The following GLE1 variants were observed in gnomAD, a reference collection of about 807,000 sequenced individuals.
The protein encoded by GLE1 is mRNA export factor GLE1.
In GLE1, 78 loss-of-function variants were observed where a neutral mutation model predicts 97.3. The ratio of observed to expected loss-of-function variants is 0.80; its 90% confidence interval spans 0.67 to 0.97. The LOEUF (loss-of-function observed/expected upper bound fraction) is 0.97, where lower values mean the gene tolerates loss of function less well. Among genes scored for constraint, GLE1 ranks in the 50% least tolerant of loss-of-function variants. The probability of loss-of-function intolerance (pLI) is 0.00; values close to 1 mark genes in which losing one functional copy is unlikely to be tolerated. For synonymous variants in GLE1, 302 were observed against 313.4 expected, an observed-to-expected ratio of 0.96 and a Z score of 0.39; for missense variants, 753 against 857.5, an observed-to-expected ratio of 0.88 and a Z score of 1.52.
chr9:128,504,763 TG>T lies in GLE1; in HGVS notation c.-41del, dbSNP rs1846589818. Reference sequence around the variant, plus strand: ...CCGGCGGCTGATTCGAGGGCTTGTTTGGTCAGAAGGGGGGCGTCAGAGAAGC... The same window carrying T: ...CCGGCGGCTGATTCGAGGGCTTGTTTGTCAGAAGGGGGGCGTCAGAGAAGC... On this transcript the variant is annotated 5_prime_UTR_variant, in exon 1 of 16. Transcript: ENST00000309971. 2 of 1,320,040 alleles carry T rather than the reference TG, an allele frequency of 1.5e-6. No homozygotes were observed. Among genetic ancestry groups the T allele is most frequent in the African/African-American group, 2.9e-5 (2 of 69,308 alleles). The allele number at this position is 1,320,040 out of a possible 1,614,324, so 81.8% of individuals were successfully genotyped here. A position where few individuals can be genotyped will look rare whatever the true frequency, so the allele number is the denominator to read the frequency against.
chr9:128,505,731 A>G, intron 1 of GLE1, among the ~76,000 whole-genome samples: 1 of 152,212 alleles, frequency 6.6e-6, no homozygotes, highest in East Asian at 1.9e-4. Context: ...TTACGTTATT[A>G]TCTGCCTGGT....
chr9:128,505,490 T>G (rs2132393245), intron 1 of GLE1, among the ~76,000 whole-genome samples: 1 of 152,174 alleles, frequency 6.6e-6, no homozygotes, highest in South Asian at 2.1e-4. Flanking sequence ...TGGGAAACAA[T>G]CCTAAAGTAT....
intron 13 of GLE1, among the ~76,000 whole-genome samples, chr9:128,538,613 A>G (rs1429503719): frequency 3.9e-5 from 6 of 152,212 alleles, no homozygotes; most frequent in South Asian, 2.1e-4. Flanking sequence ...CCTGTCCAAC[A>G]TGGTGAAACC....
chr9:128,507,978 G>C (rs1046043027), intron 1 of GLE1, among the ~76,000 whole-genome samples: 1 of 152,080 alleles, frequency 6.6e-6, no homozygotes, highest in African/African-American at 2.4e-5. Flanking sequence ...TCAGGAGTTC[G>C]AGACCAGCCT....
intron 7 of GLE1, among the ~76,000 whole-genome samples, chr9:128,526,672 G>T (rs1446262773): frequency 6.9e-6 from 1 of 145,550 alleles, no homozygotes; most frequent in African/African-American, 2.5e-5. Context: ...TTTGTTTTTT[G>T]TTTTTTTTTT....
chr9:128,520,569 C>T (rs933938874), intron 3 of GLE1, among the ~76,000 whole-genome samples: 3 of 151,724 alleles, frequency 2.0e-5, no homozygotes, highest in Admixed American at 6.6e-5. Context: ...CCGGTAGCTC[C>T]GTTTTCAGCC....
At position 128,533,961 on chromosome 9, in the gene GLE1, T is replaced by C. The variant is rs1847611473; in HGVS notation, c.1646+10T>C. 6.4e-7 allele frequency: 1 copy of C among 1,555,352 alleles called. No homozygotes were observed. The highest frequency in any genetic ancestry group is 1.4e-5 in the African/African-American group (1 of 73,792). ...TGGAAGACTATCAGAGGTAAAGTTGTTTTTCTCCCTACTCACTATCCCTAG... is the reference window on the plus strand; with the variant it reads ...TGGAAGACTATCAGAGGTAAAGTTGCTTTTCTCCCTACTCACTATCCCTAG... On this transcript the variant is annotated intron_variant, in intron 11 of 15. Transcript: ENST00000309971.
rs538106001 is a variant in GLE1 at position 128,541,071 on chromosome 9, C to T, written c.2029-31C>T. ...GTTGGGAACACTGTTATCAGAAACT[C>T]ATTCTGTTTTCTTCATCTTTCCCTG... On this transcript the variant is annotated intron_variant, in intron 15 of 15. Coordinates refer to ENST00000309971, the MANE Select transcript of GLE1 (RefSeq NM_001003722.2). 8.1e-4 allele frequency: 995 copies of T among 1,221,328 alleles called. 11 individuals carry two copies. The South Asian group carries it at 9.8e-3, about 12-fold the overall frequency. 75.7% of individuals were successfully genotyped at this position (1,221,328 alleles called of 1,614,324 possible). A position where few individuals can be genotyped will look rare whatever the true frequency, so the allele number is the denominator to read the frequency against.
chr9:128,514,609 C>T (rs1388862197), intron 2 of GLE1, among the ~76,000 whole-genome samples: 1 of 151,968 alleles, frequency 6.6e-6, no homozygotes, highest in East Asian at 1.9e-4. Flanking sequence ...TGCCTAGGCA[C>T]GTGCCACCAT....
intron 1 of GLE1, among the ~76,000 whole-genome samples, chr9:128,507,356 C>T (rs1368577254): frequency 3.3e-5 from 5 of 151,958 alleles, no homozygotes; most frequent in Admixed American, 3.3e-4. Flanking sequence ...TCAAGGTGGG[C>T]AGATCACTTG....
At chr9:128,538,623 C>A (rs879592172) in intron 13 of GLE1, among the ~76,000 whole-genome samples, 1 of 152,152 alleles carries the variant, frequency 6.6e-6, no homozygotes, top group Non-Finnish European at 1.5e-5. Context: ...ATGGTGAAAC[C>A]CCGTCTCTAC....
intron 11 of GLE1, among the ~76,000 whole-genome samples, chr9:128,534,323 C>T (rs547425442): frequency 1.8e-4 from 28 of 152,132 alleles, no homozygotes; most frequent in Admixed American, 1.1e-3. Context: ...GAGCCAAGAT[C>T]GCACCAGTAT....
chr9:128,531,085 A>G (rs765974303), intron 9 of GLE1, among the ~76,000 whole-genome samples: 1 of 151,354 alleles, frequency 6.6e-6, no homozygotes, highest in Non-Finnish European at 1.5e-5. Flanking sequence ...ATGGTGGTGC[A>G]TGCCTGTAAT....
intron 3 of GLE1, among the ~76,000 whole-genome samples, chr9:128,516,712 C>T (rs1399537981): frequency 1.3e-5 from 2 of 151,846 alleles, no homozygotes; most frequent in African/African-American, 4.8e-5. Context: ...GCAACCTCCG[C>T]CTCCTGGGTT....
intron 9 of GLE1, among the ~76,000 whole-genome samples, chr9:128,530,854 C>G (rs1310776406): frequency 1.4e-5 from 2 of 143,454 alleles, no homozygotes; most frequent in African/African-American, 2.6e-5. Flanking sequence ...GCTTGCAGTG[C>G]GCCGAGATAG....
At position 128,527,222 on chromosome 9, in the gene GLE1, G is replaced by GCAGCTGCAGGAT; in HGVS notation, c.1174_1185dup (p.Gln392_Asp395dup). ...AAGACATTACAATGCAGTGGTACCA[G>GCAGCTGCAGGAT]CAGCTGCAGGATGCTTCCATGCAGT... On this transcript the variant is annotated inframe_insertion, in exon 8 of 16. Coordinates refer to ENST00000309971, the MANE Select transcript of GLE1 (RefSeq NM_001003722.2). The GCAGCTGCAGGAT allele has an allele frequency of 6.2e-7, 1 of 1,611,576 alleles. No individual in the cohort carries two copies. The highest frequency in any genetic ancestry group is 2.2e-5 in the East Asian group (1 of 44,874).
intron 11 of GLE1, among the ~76,000 whole-genome samples, chr9:128,534,813 G>C (rs1489438599): frequency 6.6e-6 from 1 of 151,826 alleles, no homozygotes; most frequent in Non-Finnish European, 1.5e-5. Context: ...CTGCCTCCTG[G>C]GTTCAAGTGA....
chr9:128,512,688 AT>A (rs1846859693), intron 2 of GLE1, among the ~76,000 whole-genome samples: 1 of 149,206 alleles, frequency 6.7e-6, no homozygotes, highest in South Asian at 2.1e-4. Flanking sequence ...TTTTTTTAAT[AT>A]GGAGTTTCGC....
intron 13 of GLE1, 98 bp downstream of exon 13, chr9:128,538,188 T>G: frequency 1.4e-6 from 1 of 736,990 alleles, no homozygotes; most frequent in East Asian, 2.6e-5. Context: ...CATTTGGGCC[T>G]GATAGTAAAA....
Sources: allele counts gnomAD v4.1 joint callset (sites outside exome capture counted in the v4.1 genomes callset), GRCh38; gene constraint gnomAD v4.1.1; transcripts MANE v1.5; gene names NCBI Gene and HGNC (gene_info 2026-07-23, HGNC 2026-07-21).